MACF1: variants seen among roughly 807,000 people sequenced by gnomAD.
MACF1 encodes microtubule actin crosslinking factor 1, also known as microtubule-actin cross-linking factor 1.
Under a neutral mutation model 854.8 loss-of-function variants are expected in MACF1, and 193 were observed. That is an observed-to-expected ratio of 0.23 (90% confidence interval 0.20 to 0.25). The LOEUF (loss-of-function observed/expected upper bound fraction) is 0.25. Among genes scored for constraint, MACF1 ranks in the 10% least tolerant of loss-of-function variants. The pLI, the probability that MACF1 is intolerant of heterozygous loss-of-function variation, is 1.00. For missense variants in MACF1, 7,722 were observed against 8,929.1 expected (o/e 0.86, Z 5.45); for synonymous variants, 3,185 against 3,226.7 (o/e 0.99, Z 0.44).
At position 39,333,191 on chromosome 1, in the gene MACF1, T is replaced by C. The variant is rs1646756813; in HGVS notation, c.6603T>C (p.Val2201=). 1.2e-6 allele frequency: 2 copies of C among 1,612,558 alleles called. No homozygotes were observed. The highest frequency in any genetic ancestry group is 3.4e-5 in the Admixed American group (2 of 59,696). Residue 2201 remains valine (V), a synonymous_variant, in exon 37 of 101, where the codon GTT becomes GTC. Coordinates refer to ENST00000564288, the MANE Select transcript of MACF1 (RefSeq NM_001394062.1). The part of the protein sequence containing the change: ...HIKPQSKKLQ[V]QVKKTLGIKL... ...AACCCCAAAGCAAAAAGTTACAAGTTCAGGTAAAGAAAACTCTAGGTATAA... is the reference window on the plus strand; with the variant it reads ...AACCCCAAAGCAAAAAGTTACAAGTCCAGGTAAAGAAAACTCTAGGTATAA...
intron 26 of MACF1, 63 bp from the exon 27 acceptor site, chr1:39,315,450 A>T: frequency 9.4e-6 from 14 of 1,495,184 alleles, no homozygotes; most frequent in Non-Finnish European, 1.3e-5. Flanking sequence ...ACAAATGTGG[A>T]CTTCTTTCTA....
At chr1:39,171,897 A>T (rs1643954854) in intron 2 of MACF1, among the ~76,000 whole-genome samples, 1 of 152,196 alleles carries the variant, frequency 6.6e-6, no homozygotes. Context: ...AAGTGCTGGG[A>T]TTATAGGCGT....
In MACF1 at chr1:39,375,365, G is replaced by A. The variant is rs541225460; in HGVS notation, c.13213+2769G>A. Reference sequence around the variant, plus strand: ...TGCCCAGGCTGGAGTGCAGTGGCACGATCTCGGCTCACTGCAAGCTCCATC... The same window carrying A: ...TGCCCAGGCTGGAGTGCAGTGGCACAATCTCGGCTCACTGCAAGCTCCATC... On this transcript the variant is annotated intron_variant, in intron 52 of 100. Transcript: ENST00000564288. Among the ~76,000 whole-genome samples, 589 of 151,434 alleles carry A rather than the reference G, an allele frequency of 3.9e-3. 2 individuals carry two copies. Among genetic ancestry groups the A allele is most frequent in the African/African-American group, 0.014 (566 of 41,298 alleles).
intron 58 of MACF1, among the ~76,000 whole-genome samples, chr1:39,419,782 G>C (rs553661323): frequency 6.7e-6 from 1 of 149,798 alleles, no homozygotes; most frequent in South Asian, 2.1e-4. Context: ...ACAGGCGTGC[G>C]CCACCATGCC....
intron 58 of MACF1, chr1:39,412,019 A>G (rs1460737836): frequency 1.3e-5 from 21 of 1,613,888 alleles, no homozygotes; most frequent in Admixed American, 1.7e-5. Context: ...GCAGAATTTA[A>G]GTCCAGACAG....
chr1:39,096,596 A>G (rs1641943587), intron 2 of MACF1, among the ~76,000 whole-genome samples: 1 of 151,932 alleles, frequency 6.6e-6, no homozygotes, highest in African/African-American at 2.4e-5. Context: ...CTCAAAAAAA[A>G]AAAAAAAAAT....
chr1:39,309,518 T>C, intron 23 of MACF1, 52 bp from the exon 24 acceptor site: 1 of 1,607,754 alleles, frequency 6.2e-7, no homozygotes, highest in Non-Finnish European at 8.5e-7. Flanking sequence ...AGGTCTCTAA[T>C]GTGGAGCTGA....
At chr1:39,226,336 G>T (rs1644715280) in intron 1 of MACF1, among the ~76,000 whole-genome samples, 1 of 151,024 alleles carries the variant, frequency 6.6e-6, no homozygotes, top group Non-Finnish European at 1.5e-5. Context: ...ATAATTTATG[G>T]ATAGTATTTT....
chr1:39,214,501 A>G (rs1644552466), intron 1 of MACF1, among the ~76,000 whole-genome samples: 1 of 152,230 alleles, frequency 6.6e-6, no homozygotes, highest in South Asian at 2.1e-4. Flanking sequence ...GGATCTGGGA[A>G]GAAGAAGGGG....
At chr1:39,260,213 C>T (rs1444956735) in intron 6 of MACF1, among the ~76,000 whole-genome samples, 1 of 152,056 alleles carries the variant, frequency 6.6e-6, no homozygotes, top group Admixed American at 6.6e-5. Flanking sequence ...TGATAATTTC[C>T]TTTATTTCTT....
At chr1:39,347,593 A>G (rs1379322362) in intron 41 of MACF1, among the ~76,000 whole-genome samples, 2 of 152,160 alleles carry the variant, frequency 1.3e-5, no homozygotes, top group Non-Finnish European at 2.9e-5. Context: ...GAACATCTAG[A>G]TACCCTGAGC....
At position 39,333,581 on chromosome 1, in the gene MACF1, G is replaced by A; in HGVS notation, c.6993G>A (p.Met2331Ile). The A allele has an allele frequency of 3.1e-6, 5 of 1,614,110 alleles. No homozygotes were observed. The East Asian group carries it at 1.1e-4, about 36-fold the overall frequency. ...TAVKLMEKLN[M>I]FQGFFDSQTC... ...TGAAGCTTATGGAGAAGCTGAACATGTTTCAGGGGTTCTTTGACTCTCAGA... is the reference window on the plus strand; with the variant it reads ...TGAAGCTTATGGAGAAGCTGAACATATTTCAGGGGTTCTTTGACTCTCAGA... The change falls in exon 37 of 101, where the codon ATG (methionine) becomes ATA (isoleucine). Residue 2331 changes from methionine (M) to isoleucine (I), a missense_variant. By Grantham distance (10) the Met-to-Ile change is conservative. Around this residue, in one of 15 missense-constraint regions of MACF1, gnomAD observed 1,531 missense variants for 1,601.6 expected, o/e 0.96. Transcript: ENST00000564288.
chr1:39,120,312 C>G (rs1225086820), intron 2 of MACF1, among the ~76,000 whole-genome samples: 1 of 152,144 alleles, frequency 6.6e-6, no homozygotes, highest in Non-Finnish European at 1.5e-5. Flanking sequence ...CACCTGACTC[C>G]TGGAACTCCC....
intron 29 of MACF1, 113 bp from the exon 30 acceptor site, chr1:39,318,340 G>T (rs1008667445): frequency 2.2e-6 from 2 of 894,144 alleles, no homozygotes; most frequent in Non-Finnish European, 3.5e-6. Flanking sequence ...GATAAAGATG[G>T]ATCGTTTGTG....
chr1:39,338,319 A>G (rs1470501958), intron 38 of MACF1, among the ~76,000 whole-genome samples: 2 of 151,882 alleles, frequency 1.3e-5, no homozygotes, highest in African/African-American at 4.8e-5. Context: ...ACAGCAGTAA[A>G]ATTTTAGAAG....
At chr1:39,088,709 G>C (rs1314711939) in intron 2 of MACF1, among the ~76,000 whole-genome samples, 1 of 152,220 alleles carries the variant, frequency 6.6e-6, no homozygotes, top group Non-Finnish European at 1.5e-5. Flanking sequence ...GAAACAAAGA[G>C]AGGAAGAAAT....
At chr1:39,365,140 G>A (rs747382417) in intron 49 of MACF1, among the ~76,000 whole-genome samples, 44 of 152,074 alleles carry the variant, frequency 2.9e-4, no homozygotes, top group Non-Finnish European at 4.3e-4. Flanking sequence ...GCAGTGGCAC[G>A]ATCTCAGCTC....
chr1:39,427,757 C>T, intron 62 of MACF1, 143 bp downstream of exon 62: 1 of 994,560 alleles, frequency 1.0e-6, no homozygotes, highest in Non-Finnish European at 1.4e-6. Flanking sequence ...GGAAAAGTCA[C>T]ATTCTTGAAA....
At chr1:39,434,279 T>C (rs930889738) in intron 68 of MACF1, 135 bp from the exon 69 acceptor site, 10 of 430,822 alleles carry the variant, frequency 2.3e-5, no homozygotes, top group Middle Eastern at 6.2e-4. Context: ...AAATCACTTG[T>C]AATCTTTACT....
Sources: allele counts gnomAD v4.1 joint callset (sites outside exome capture counted in the v4.1 genomes callset), GRCh38; gene constraint gnomAD v4.1.1; regional missense constraint gnomAD v4.1.1; transcripts MANE v1.5; gene names NCBI Gene and HGNC (gene_info 2026-07-23, HGNC 2026-07-21).